Variants in NFIB observed in about 807,000 individuals in gnomAD.
NFIB encodes nuclear factor 1 B-type.
NFIB carries 11 observed loss-of-function variants against 61.5 expected under a neutral mutation model. That is an observed-to-expected ratio of 0.18 (90% CI 0.11 to 0.30). The LOEUF (loss-of-function observed/expected upper bound fraction) is 0.30. NFIB is among the 10% of genes least tolerant of loss of function. NFIB has a pLI of 1.00. For missense variants in NFIB, 471 were observed against 608.9 expected, an observed-to-expected ratio of 0.77 and a Z score of 2.38; for synonymous variants, 260 against 216.5, an observed-to-expected ratio of 1.20 and a Z score of -1.76.
chr9:14,350,964 A>G (rs2061102991), intron 1 of NFIB, among the ~76,000 whole-genome samples: 4 of 152,094 alleles, frequency 2.6e-5, no homozygotes, highest in Admixed American at 2.6e-4. Flanking sequence ...CCACTAGACT[A>G]CCTGCCTCCT....
At chr9:14,416,557 C>T in the NFIB span, among the ~76,000 whole-genome samples, 1 of 151,316 alleles carries the variant, frequency 6.6e-6, no homozygotes, top group Non-Finnish European at 1.5e-5. Context: ...AGAATGCTTA[C>T]AGAATAATAA....
chr9:14,082,204 C>T lies in NFIB; in HGVS notation c.*6105G>A, dbSNP rs2032054602. Reference sequence around the variant, plus strand: ...TGTTACATGGAGATTGTGCATGTGCCTCCTTTTGTAAAAAAATTTAATTAA... The same window carrying T: ...TGTTACATGGAGATTGTGCATGTGCTTCCTTTTGTAAAAAAATTTAATTAA... On this transcript the variant is annotated 3_prime_UTR_variant, in exon 11 of 11. Transcript: ENST00000380953. The T allele has an allele frequency of 4.9e-6, 1 of 205,090 alleles. No homozygotes were observed. 12.7% of individuals were successfully genotyped at this position (205,090 alleles called of 1,614,324 possible).
chr9:14,500,285 C>T, the NFIB span, among the ~76,000 whole-genome samples: 1 of 152,172 alleles, frequency 6.6e-6, no homozygotes, highest in East Asian at 1.9e-4. Flanking sequence ...ACTGCCTTTC[C>T]CTAAGACGTT....
At chr9:14,506,225 A>C in the NFIB span, among the ~76,000 whole-genome samples, 2 of 152,114 alleles carry the variant, frequency 1.3e-5, no homozygotes, top group Admixed American at 6.5e-5. Flanking sequence ...CTTGCATCTT[A>C]ATTTTGGTTT....
chr9:14,238,553 T>A (rs1220026086), intron 2 of NFIB, among the ~76,000 whole-genome samples: 1 of 152,154 alleles, frequency 6.6e-6, no homozygotes, highest in Non-Finnish European at 1.5e-5. Flanking sequence ...TTCAGTCAAA[T>A]ACAAAGAAGT....
At chr9:14,479,394 G>C in the NFIB span, among the ~76,000 whole-genome samples, 34 of 152,200 alleles carry the variant, frequency 2.2e-4, 1 homozygote, top group Admixed American at 1.2e-3. Context: ...GGGTTTCACA[G>C]AGGGCCATCC....
chr9:14,432,254 T>G, the NFIB span, among the ~76,000 whole-genome samples: 1 of 152,216 alleles, frequency 6.6e-6, no homozygotes, highest in African/African-American at 2.4e-5. Flanking sequence ...TGCTGCTGGC[T>G]GCCATGTTTC....
chr9:14,273,998 G>C (rs140711564), intron 2 of NFIB, among the ~76,000 whole-genome samples: 6 of 152,216 alleles, frequency 3.9e-5, no homozygotes, highest in African/African-American at 1.4e-4. Flanking sequence ...TCACATCAGT[G>C]AGCAATGTTA....
chr9:14,396,075 G>A (rs1163743901), intron 1 of NFIB, among the ~76,000 whole-genome samples: 5 of 152,168 alleles, frequency 3.3e-5, no homozygotes, highest in East Asian at 1.9e-4. Flanking sequence ...TTTTGCAGCC[G>A]ATTCCTATAT....
At chr9:14,226,909 G>A (rs1227197254) in intron 2 of NFIB, among the ~76,000 whole-genome samples, 1 of 152,112 alleles carries the variant, frequency 6.6e-6, no homozygotes, top group African/African-American at 2.4e-5. Context: ...GGACACCAAG[G>A]TGGGTGGATC....
the NFIB span, among the ~76,000 whole-genome samples, chr9:14,448,342 T>G: frequency 1.3e-5 from 2 of 152,228 alleles, no homozygotes; most frequent in African/African-American, 4.8e-5. Flanking sequence ...TCTATAGTGG[T>G]AGGCATAATT....
chr9:14,345,026 A>G (rs2061002333), intron 1 of NFIB, among the ~76,000 whole-genome samples: 1 of 152,098 alleles, frequency 6.6e-6, no homozygotes, highest in Non-Finnish European at 1.5e-5. Context: ...CCTAGAGAAT[A>G]AAAAGCCCAG....
chr9:14,142,878 C>T (rs192853489), intron 6 of NFIB, among the ~76,000 whole-genome samples: 2 of 152,082 alleles, frequency 1.3e-5, no homozygotes, highest in African/African-American at 4.8e-5. Flanking sequence ...GAGAAATATT[C>T]TGAAACATAG....
At chr9:14,335,310 T>A (rs1382038328) in intron 1 of NFIB, among the ~76,000 whole-genome samples, 1 of 152,224 alleles carries the variant, frequency 6.6e-6, no homozygotes, top group Non-Finnish European at 1.5e-5. Flanking sequence ...CCACCAGCAA[T>A]GTATGAGAGC....
the NFIB span, among the ~76,000 whole-genome samples, chr9:14,522,539 C>T: frequency 1.6e-4 from 25 of 152,210 alleles, no homozygotes; most frequent in African/African-American, 5.8e-4. Flanking sequence ...CACGATTCCA[C>T]CTAACAGGAA....
the NFIB span, among the ~76,000 whole-genome samples, chr9:14,500,631 G>C: frequency 6.6e-6 from 1 of 152,124 alleles, no homozygotes; most frequent in African/African-American, 2.4e-5. Context: ...CCAGTGCCCA[G>C]TCCCGGTAAA....
intron 1 of NFIB, among the ~76,000 whole-genome samples, chr9:14,356,073 T>C (rs932210545): frequency 3.9e-5 from 6 of 152,212 alleles, no homozygotes; most frequent in African/African-American, 1.4e-4. Context: ...TGGCCAGTGC[T>C]AGCTGACAAC....
intron 1 of NFIB, among the ~76,000 whole-genome samples, chr9:14,354,981 C>G (rs372754855): frequency 3.3e-5 from 5 of 151,992 alleles, no homozygotes; most frequent in African/African-American, 1.2e-4. Flanking sequence ...AGAGGAAGAA[C>G]AGCAGCACAA....
the NFIB span, among the ~76,000 whole-genome samples, chr9:14,500,099 C>T: frequency 6.6e-6 from 1 of 152,142 alleles, no homozygotes; most frequent in East Asian, 1.9e-4. Context: ...CTGCCAGTCA[C>T]ACTGGTCTGC....
Sources: gnomAD v4.1 joint callset for allele counts (sites outside exome capture counted in the v4.1 genomes callset) on GRCh38, gnomAD v4.1.1 for gene constraint, MANE v1.5 for transcripts, NCBI Gene and HGNC (gene_info 2026-07-23, HGNC 2026-07-21) for gene names.